Variants in ZCCHC14 observed in about 807,000 individuals in gnomAD.
The protein encoded by ZCCHC14 is zinc finger CCHC-type containing 14, also known as zinc finger CCHC domain-containing protein 14.
ZCCHC14 carries 16 observed loss-of-function variants against 85.0 expected under a neutral mutation model. That is an observed-to-expected ratio of 0.19 (90% CI 0.13 to 0.29). The LOEUF is 0.29. Ranked by LOEUF, ZCCHC14 falls within the 10% of genes least tolerant of loss-of-function variation. The pLI, the probability that ZCCHC14 is intolerant of heterozygous loss-of-function variation, is 1.00. For synonymous variants in ZCCHC14, 775 were observed against 630.7 expected, an observed-to-expected ratio of 1.23 and a Z score of -3.43; for missense variants, 1,303 against 1,443.5, an observed-to-expected ratio of 0.90 and a Z score of 1.58.
At position 87,408,204 on chromosome 16, in the gene ZCCHC14, T is replaced by C. The variant is rs1022489078; in HGVS notation, c.*2076A>G. 1.3e-5 allele frequency: 2 copies of C among 152,648 alleles called. No homozygotes were observed. The highest frequency in any genetic ancestry group is 2.9e-5 in the Non-Finnish European group (2 of 68,050). The allele number at this position is 152,648 out of a possible 1,614,324, so 9.5% of individuals were successfully genotyped here. A position where few individuals can be genotyped will look rare whatever the true frequency, so the allele number is the denominator to read the frequency against. On this transcript the variant is annotated 3_prime_UTR_variant, in exon 13 of 13. Coordinates refer to ENST00000671377, the MANE Select transcript of ZCCHC14 (RefSeq NM_015144.3). ...AACAACAGACGCTTTCATTCCCCTATACTGACCACTAAAACAAAAATTCCA... is the reference window on the plus strand; with the variant it reads ...AACAACAGACGCTTTCATTCCCCTACACTGACCACTAAAACAAAAATTCCA...
At chr16:87,481,528 G>A (rs7498122) in intron 1 of ZCCHC14, among the ~76,000 whole-genome samples, 651 of 18,500 alleles carry the variant, frequency 0.035, 29 homozygotes, top group Non-Finnish European at 0.07. Flanking sequence ...GAGAGAAACG[G>A]GGGGGGGGGG....
chr16:87,459,135 G>A (rs1042961249), intron 2 of ZCCHC14, among the ~76,000 whole-genome samples: 7 of 152,298 alleles, frequency 4.6e-5, no homozygotes, highest in African/African-American at 7.2e-5. Context: ...AGCTGTCCAC[G>A]TGTACGTTAA....
chr16:87,467,275 T>C, intron 1 of ZCCHC14: 4 of 1,577,786 alleles, frequency 2.5e-6, no homozygotes. Flanking sequence ...TTAAGGATAA[T>C]GGAGATCTGG....
chr16:87,492,317 G>A lies in ZCCHC14; in HGVS notation c.-79C>T. On this transcript the variant is annotated 5_prime_UTR_variant, in exon 1 of 13. Coordinates refer to ENST00000671377, the MANE Select transcript of ZCCHC14 (RefSeq NM_015144.3). The surrounding 1 kb of genome is among the most constrained non-coding windows in gnomAD (Gnocchi z 6.7). ...CGGGGGGCGCCGGGGGCCGCGGCCG[G>A]GGCGCGCCGGGACCGGGGACGCGCG... The A allele has an allele frequency of 7.3e-6, 5 of 685,390 alleles. No individual in the cohort carries two copies. Among genetic ancestry groups the A allele is most frequent in the Non-Finnish European group, 8.9e-6 (5 of 560,538 alleles). 42.5% of individuals were successfully genotyped at this position (685,390 alleles called of 1,614,324 possible). A position where few individuals can be genotyped will look rare whatever the true frequency, so the allele number is the denominator to read the frequency against.
At chr16:87,417,980 G>C (rs748974385) in intron 7 of ZCCHC14, 1 of 533,276 alleles carries the variant, frequency 1.9e-6, no homozygotes, top group Non-Finnish European at 3.3e-6. Flanking sequence ...GCATACAGGC[G>C]GCTGTGCATA....
intron 1 of ZCCHC14, among the ~76,000 whole-genome samples, chr16:87,465,702 C>T (rs1000381746): frequency 4.6e-5 from 7 of 152,272 alleles, no homozygotes; most frequent in South Asian, 4.1e-4. Context: ...TCATGAGGTC[C>T]GGGGTGGGCC....
Position 87,412,024 on chromosome 16 carries a change from G to A in ZCCHC14, c.2697C>T (p.Asn899=), listed in dbSNP as rs770539158. ...GCTGATGGTGGTGGTGGTGGTGGTG[G>A]TTCGGATTCGAGGCAGGAATGTTTC... ...STGNIPASNP[N]HHHHHHHQQP... The change falls in exon 12 of 13, where the codon AAC becomes AAT. Residue 899 remains asparagine (N), a synonymous_variant. Coordinates refer to ENST00000671377, the MANE Select transcript of ZCCHC14 (RefSeq NM_015144.3). The A allele has an allele frequency of 9.3e-6, 15 of 1,609,126 alleles. No individual in the cohort carries two copies. Among genetic ancestry groups the A allele is most frequent in the Non-Finnish European group, 8.5e-6 (10 of 1,179,872 alleles).
At chr16:87,430,191 G>T (rs1255242716) in intron 3 of ZCCHC14, among the ~76,000 whole-genome samples, 1 of 152,134 alleles carries the variant, frequency 6.6e-6, no homozygotes, top group Non-Finnish European at 1.5e-5. Context: ...TTACATTTAG[G>T]TCTCCGATCA....
chr16:87,419,452 C>T (rs1475408613), intron 6 of ZCCHC14, among the ~76,000 whole-genome samples: 2 of 152,266 alleles, frequency 1.3e-5, no homozygotes, highest in African/African-American at 4.8e-5. Context: ...AGGCATGCAT[C>T]ACCACGCCTG....
At chr16:87,482,697 G>T (rs1160188175) in intron 1 of ZCCHC14, among the ~76,000 whole-genome samples, 2 of 152,242 alleles carry the variant, frequency 1.3e-5, no homozygotes, top group African/African-American at 4.8e-5. Flanking sequence ...CCAAATAGAT[G>T]TGGGAGTAAA....
intron 1 of ZCCHC14, among the ~76,000 whole-genome samples, chr16:87,484,490 G>A (rs1382184713): frequency 6.6e-6 from 1 of 152,226 alleles, no homozygotes; most frequent in East Asian, 1.9e-4. Context: ...GTGACTTCAC[G>A]AAGCATGGCT....
At chr16:87,466,825 T>C (rs1000212303) in intron 1 of ZCCHC14, among the ~76,000 whole-genome samples, 1 of 152,144 alleles carries the variant, frequency 6.6e-6, no homozygotes, top group Admixed American at 6.5e-5. Context: ...GAAAGTGAAG[T>C]TGTGATGGCT....
chr16:87,473,205 T>C (rs985710070), intron 1 of ZCCHC14: 1 of 138,938 alleles, frequency 7.2e-6, no homozygotes, highest in Non-Finnish European at 1.5e-5. Context: ...TCTACAGGAC[T>C]TTTTTTTTTT....
chr16:87,435,671 G>T (rs564543519), intron 2 of ZCCHC14, among the ~76,000 whole-genome samples: 1 of 152,268 alleles, frequency 6.6e-6, no homozygotes, highest in Non-Finnish European at 1.5e-5. Flanking sequence ...GGCAGCGGGC[G>T]CTGCGCTCCC....
intron 6 of ZCCHC14, among the ~76,000 whole-genome samples, chr16:87,419,102 G>A (rs1042638184): frequency 6.8e-6 from 1 of 147,728 alleles, no homozygotes; most frequent in Middle Eastern, 3.6e-3. Flanking sequence ...GACTACAGGC[G>A]ACTGCCACCA....
At chr16:87,414,809 G>A (rs929603227) in intron 9 of ZCCHC14, among the ~76,000 whole-genome samples, 10 of 152,344 alleles carry the variant, frequency 6.6e-5, no homozygotes, top group East Asian at 1.9e-4. Flanking sequence ...GGCCAGGCGC[G>A]GTGGCTCAGG....
Position 87,491,575 on chromosome 16 carries a change from G to T in ZCCHC14, c.570+94C>A. The T allele has an allele frequency of 8.4e-7, 1 of 1,185,210 alleles. No individual in the cohort carries two copies. Among genetic ancestry groups the T allele is most frequent in the East Asian group, 3.5e-5 (1 of 28,980 alleles). The allele number at this position is 1,185,210 out of a possible 1,614,324, so 73.4% of individuals were successfully genotyped here. On this transcript the variant is annotated intron_variant, in intron 1 of 12. Coordinates refer to ENST00000671377, the MANE Select transcript of ZCCHC14 (RefSeq NM_015144.3). This position sits in a 1 kb window ranked among gnomAD's most constrained non-coding sequence, Gnocchi z 5.9. Reference sequence around the variant, plus strand: ...AGCTCTCAGTGCAGGCTGGAGGCGTGGGTCGGGGGGTCGCGGTGCAGGCTG... The same window carrying T: ...AGCTCTCAGTGCAGGCTGGAGGCGTTGGTCGGGGGGTCGCGGTGCAGGCTG...
At chr16:87,448,152 G>A (rs9673530) in intron 2 of ZCCHC14, among the ~76,000 whole-genome samples, 2,580 of 152,220 alleles carry the variant, frequency 0.017, 85 homozygotes, top group African/African-American at 0.059. Flanking sequence ...TATATAGGCT[G>A]TATTCCTAAT....
chr16:87,491,290 A>C lies in ZCCHC14; in HGVS notation c.570+379T>G. ...GGCGGAGGTGTGGAGGCTTTGGGGCACGCAGAGGGGACTGAGGGTGTGGGC... is the reference window on the plus strand; with the variant it reads ...GGCGGAGGTGTGGAGGCTTTGGGGCCCGCAGAGGGGACTGAGGGTGTGGGC... On this transcript the variant is annotated intron_variant, in intron 1 of 12. Transcript: ENST00000671377. This position sits in a 1 kb window ranked among gnomAD's most constrained non-coding sequence, Gnocchi z 5.9. 6.6e-6 allele frequency among the ~76,000 whole-genome samples: 1 copy of C among 152,222 alleles called. No individual in the cohort carries two copies. The highest frequency in any genetic ancestry group is 2.1e-4 in the South Asian group (1 of 4,832).
Sources: allele counts gnomAD v4.1 joint callset (sites outside exome capture counted in the v4.1 genomes callset), GRCh38; gene constraint gnomAD v4.1.1; non-coding constraint Gnocchi (gnomAD v3.1); transcripts MANE v1.5; gene names NCBI Gene and HGNC (gene_info 2026-07-23, HGNC 2026-07-21).